The following CLSTN1 variants were observed in gnomAD, a reference collection of about 807,000 sequenced individuals.
CLSTN1 encodes calsyntenin-1.
In CLSTN1, 28 loss-of-function variants were observed where a neutral mutation model predicts 108.3. The observed-to-expected ratio is 0.26, with a 90% CI of 0.19 to 0.35. The LOEUF is 0.35. Ranked by LOEUF, CLSTN1 falls within the 10% of genes least tolerant of loss-of-function variation. The pLI is 1.00. For synonymous variants in CLSTN1, 524 were observed against 534.9 expected, an observed-to-expected ratio of 0.98 and a Z score of 0.28; for missense variants, 1,157 against 1,302.6, an observed-to-expected ratio of 0.89 and a Z score of 1.72.
intron 2 of CLSTN1, among the ~76,000 whole-genome samples, chr1:9,771,073 G>C (rs1652652272): frequency 6.6e-6 from 1 of 152,114 alleles, no homozygotes; most frequent in African/African-American, 2.4e-5. Context: ...ACGAACAACA[G>C]GACTGCTGAT....
rs753461245 is a variant in CLSTN1 at position 9,744,615 on chromosome 1, C to G, written c.1014G>C (p.Leu338=). Residue 338 remains leucine, a synonymous_variant, in exon 8 of 19, where the codon CTG becomes CTC. Transcript: ENST00000377298. ...CGAAAGTAEL[L]PSPSGSLNWT... Reference sequence around the variant, plus strand: ...AGTTGAGGGATCCACTCGGGGATGGCAGCAGCTCGGCAGTGCCCGCGGCCG... The same window carrying G: ...AGTTGAGGGATCCACTCGGGGATGGGAGCAGCTCGGCAGTGCCCGCGGCCG... 4 of 1,612,654 alleles carry G rather than the reference C, an allele frequency of 2.5e-6. No homozygotes were observed. The highest frequency in any genetic ancestry group is 1.1e-5 in the South Asian group (1 of 91,032).
At chr1:9,735,251 G>A in intron 13 of CLSTN1, 77 bp from the exon 14 acceptor site, 1 of 1,519,360 alleles carries the variant, frequency 6.6e-7, no homozygotes, top group South Asian at 1.1e-5. Context: ...GCACATGGAG[G>A]TGGGATACAG....
At chr1:9,747,905 A>C (rs1651358673) in intron 7 of CLSTN1, among the ~76,000 whole-genome samples, 1 of 151,742 alleles carries the variant, frequency 6.6e-6, no homozygotes, top group African/African-American at 2.4e-5. Flanking sequence ...TTAGCCGGGC[A>C]TGGTGGCAGG....
At chr1:9,772,787 C>T (rs1020022365) in intron 2 of CLSTN1, among the ~76,000 whole-genome samples, 4 of 152,140 alleles carry the variant, frequency 2.6e-5, no homozygotes, top group Non-Finnish European at 5.9e-5. Flanking sequence ...CTATAAAGAC[C>T]GCTCAACTTC....
At position 9,751,653 on chromosome 1, in the gene CLSTN1, C is replaced by T. The variant is rs769322836; in HGVS notation, c.469G>A (p.Val157Met). ...TTGAACACGGGCGCGTACTCATTCA[C>T]GTCGTTCACCTGAATATGAACAGTT... ...KATVHIQVND[V>M]NEYAPVFKEK... The change falls in exon 5 of 19, where the codon GTG becomes ATG. Residue 157 changes from valine to methionine, a missense_variant. By Grantham distance (21) the Val-to-Met change is conservative (BLOSUM62 1). Coordinates refer to ENST00000377298, the MANE Select transcript of CLSTN1 (RefSeq NM_001009566.3). 3.6e-5 allele frequency: 58 copies of T among 1,614,022 alleles called. No individual in the cohort carries two copies. The highest frequency in any genetic ancestry group is 4.5e-5 in the Non-Finnish European group (53 of 1,180,040).
At chr1:9,772,902 T>A (rs1158717701) in intron 2 of CLSTN1, among the ~76,000 whole-genome samples, 2 of 152,118 alleles carry the variant, frequency 1.3e-5, no homozygotes, top group African/African-American at 4.8e-5. Flanking sequence ...ACACCAGCAG[T>A]ACCTAGGAGC....
chr1:9,797,319 TG>T (rs918784250), intron 1 of CLSTN1, among the ~76,000 whole-genome samples: 3 of 150,228 alleles, frequency 2.0e-5, no homozygotes, highest in African/African-American at 7.4e-5. Context: ...GAAGGGGAAG[TG>T]GGGGAGGGAG....
chr1:9,810,996 G>A (rs1243384918), intron 1 of CLSTN1, among the ~76,000 whole-genome samples: 2 of 152,020 alleles, frequency 1.3e-5, no homozygotes, highest in African/African-American at 2.4e-5. Context: ...CAGACCCACT[G>A]CCATATGCAT....
chr1:9,746,217 C>A (rs1651261971), intron 7 of CLSTN1, among the ~76,000 whole-genome samples: 1 of 152,158 alleles, frequency 6.6e-6, no homozygotes, highest in Admixed American at 6.5e-5. Flanking sequence ...AAAATAAATT[C>A]CTAGAAATGA....
chr1:9,789,806 C>A (rs1021860852), intron 1 of CLSTN1, among the ~76,000 whole-genome samples: 3 of 151,118 alleles, frequency 2.0e-5, no homozygotes, highest in Non-Finnish European at 4.4e-5. Context: ...TGGCGAAACC[C>A]GTCTCTAGTA....
At chr1:9,792,104 C>G (rs1653795432) in intron 1 of CLSTN1, among the ~76,000 whole-genome samples, 1 of 151,004 alleles carries the variant, frequency 6.6e-6, no homozygotes, top group Non-Finnish European at 1.5e-5. Flanking sequence ...ATCATTTGAA[C>G]CTGCGAGGTG....
At chr1:9,812,376 T>C (rs560560698) in intron 1 of CLSTN1, among the ~76,000 whole-genome samples, 7 of 152,268 alleles carry the variant, frequency 4.6e-5, no homozygotes, top group African/African-American at 1.7e-4. Flanking sequence ...AGGAGGAGCA[T>C]TGGCCAGAGA....
At chr1:9,783,285 T>C (rs1177839028) in intron 1 of CLSTN1, among the ~76,000 whole-genome samples, 1 of 151,930 alleles carries the variant, frequency 6.6e-6, no homozygotes, top group African/African-American at 2.4e-5. Context: ...TAACTAGAAA[T>C]CCACGGTTTC....
At chr1:9,792,020 G>A (rs1225646088) in intron 1 of CLSTN1, among the ~76,000 whole-genome samples, 1 of 150,866 alleles carries the variant, frequency 6.6e-6, no homozygotes, top group African/African-American at 2.4e-5. Flanking sequence ...ATGGTGGCGG[G>A]TGCCTGTAAT....
intron 9 of CLSTN1, among the ~76,000 whole-genome samples, chr1:9,741,951 TA>T (rs1429345249): frequency 6.6e-6 from 1 of 152,166 alleles, no homozygotes; most frequent in Non-Finnish European, 1.5e-5. Flanking sequence ...AATCTCAGAA[TA>T]AGGCACACCA....
chr1:9,789,755 G>A (rs1653675791), intron 1 of CLSTN1, among the ~76,000 whole-genome samples: 1 of 151,506 alleles, frequency 6.6e-6, no homozygotes, highest in South Asian at 2.2e-4. Flanking sequence ...AAGGAGAGTG[G>A]ATTGCTTGAG....
intron 1 of CLSTN1, among the ~76,000 whole-genome samples, chr1:9,815,091 T>C (rs1252982189): frequency 1.3e-5 from 2 of 152,122 alleles, no homozygotes; most frequent in Non-Finnish European, 2.9e-5. Flanking sequence ...TCCTAAGAAA[T>C]CTACAGAAAT....
At chr1:9,767,259 G>C (rs1233322152) in intron 2 of CLSTN1, among the ~76,000 whole-genome samples, 1 of 152,184 alleles carries the variant, frequency 6.6e-6, no homozygotes, top group Non-Finnish European at 1.5e-5. Context: ...TTGGAGAAGA[G>C]AGGCTGGGCG....
chr1:9,765,246 T>TGGTGGCGGGCGC (rs1384488807), intron 2 of CLSTN1, among the ~76,000 whole-genome samples: 1 of 151,818 alleles, frequency 6.6e-6, no homozygotes, highest in Non-Finnish European at 1.5e-5. Context: ...TAGCCGGGCG[T>TGGTGGCGGGCGC]GGTGGCGGGC....
Sources: gnomAD v4.1 joint callset for allele counts (sites outside exome capture counted in the v4.1 genomes callset) on GRCh38, gnomAD v4.1.1 for gene constraint, MANE v1.5 for transcripts, NCBI Gene and HGNC (gene_info 2026-07-23, HGNC 2026-07-21) for gene names.